Variants in TRHDE observed in about 807,000 individuals in gnomAD.
TRHDE encodes thyrotropin releasing hormone degrading enzyme.
TRHDE carries 72 observed loss-of-function variants against 125.7 expected under a neutral mutation model. That is an observed-to-expected ratio of 0.57 (90% CI 0.47 to 0.70). TRHDE has a LOEUF of 0.70. Ranked by LOEUF, TRHDE falls within the 30% of genes least tolerant of loss-of-function variation. The pLI is 0.00. For missense variants in TRHDE, 1,110 were observed against 1,327.1 expected (o/e 0.84, Z 2.54); for synonymous variants, 509 against 509.1 (o/e 1.00, Z 0.00).
intron 6 of TRHDE, among the ~76,000 whole-genome samples, chr12:72,525,134 T>TAGATGTTTACACAA: frequency 6.6e-6 from 1 of 152,296 alleles, no homozygotes; most frequent in African/African-American, 2.4e-5. Context: ...GAACAAGCTA[T>TAGATGTTTACACAA]AGATGTTTAC....
chr12:72,669,969 GAAC>G lies in TRHDE; in HGVS notation c.*6777_*6779del, dbSNP rs987075030. 5.3e-5 allele frequency: 8 copies of G among 151,746 alleles called. No homozygotes were observed. The highest frequency in any genetic ancestry group is 1.9e-4 in the African/African-American group (8 of 41,490). 9.4% of individuals were successfully genotyped at this position (151,746 alleles called of 1,614,324 possible). ...TGTATTATGCATTGTCTAGTTACTT[GAAC>G]AATAAGAGAAATTCTATCTTTGAGC... is the stretch of plus-strand genomic sequence containing the variant. On this transcript the variant is annotated 3_prime_UTR_variant, in exon 19 of 19. Transcript: ENST00000261180.
chr12:72,316,580 G>A (rs1222893985), intron 2 of TRHDE, among the ~76,000 whole-genome samples: 1 of 152,106 alleles, frequency 6.6e-6, no homozygotes, highest in Non-Finnish European at 1.5e-5. Context: ...GTGCTGTCCT[G>A]CCTTTTACCC....
intron 2 of TRHDE, among the ~76,000 whole-genome samples, chr12:72,314,554 A>G (rs1178673341): frequency 1.3e-5 from 2 of 152,172 alleles, no homozygotes; most frequent in South Asian, 2.1e-4. Context: ...TAAAATTGCT[A>G]CTGTTTCAAA....
chr12:72,471,919 G>C (rs995249207), intron 4 of TRHDE, among the ~76,000 whole-genome samples: 2 of 152,024 alleles, frequency 1.3e-5, no homozygotes, highest in African/African-American at 4.8e-5. Context: ...TGTTCCAGCC[G>C]CACAGGTCTT....
chr12:72,645,008 G>A (rs763747738), intron 15 of TRHDE, among the ~76,000 whole-genome samples: 7 of 152,186 alleles, frequency 4.6e-5, no homozygotes, highest in Non-Finnish European at 8.8e-5. Flanking sequence ...AGGCTATTGG[G>A]TGAGTATCTT....
At chr12:72,227,168 GA>G (rs1194983890) in intron 2 of TRHDE, among the ~76,000 whole-genome samples, 1 of 151,948 alleles carries the variant, frequency 6.6e-6, no homozygotes, top group Non-Finnish European at 1.5e-5. Flanking sequence ...TAGATATTAA[GA>G]AAAAAAGTAT....
intron 2 of TRHDE, among the ~76,000 whole-genome samples, chr12:72,355,829 T>C (rs992689953): frequency 2.6e-5 from 4 of 151,732 alleles, no homozygotes; most frequent in Non-Finnish European, 5.9e-5. Context: ...ATTAGAGAAA[T>C]GCAAATCAAA....
chr12:72,235,807 C>A (rs1268358422), intron 2 of TRHDE, among the ~76,000 whole-genome samples: 2 of 152,134 alleles, frequency 1.3e-5, no homozygotes, highest in Non-Finnish European at 2.9e-5. Context: ...TATTTAAGGC[C>A]TCTCCTCACA....
chr12:72,233,627 G>A (rs377633963), intron 2 of TRHDE, among the ~76,000 whole-genome samples: 5 of 152,112 alleles, frequency 3.3e-5, no homozygotes, highest in African/African-American at 9.7e-5. Context: ...ATTACTTAGC[G>A]TTATTCTAGG....
chr12:72,604,967 C>T (rs896749624), intron 12 of TRHDE, among the ~76,000 whole-genome samples: 1 of 151,938 alleles, frequency 6.6e-6, no homozygotes, highest in African/African-American at 2.4e-5. Flanking sequence ...ACATTATCAC[C>T]ATTAAAGAAA....
At chr12:72,631,066 C>A (rs926026720) in intron 15 of TRHDE, among the ~76,000 whole-genome samples, 1 of 150,220 alleles carries the variant, frequency 6.7e-6, no homozygotes, top group East Asian at 1.9e-4. Context: ...TTATTTTATC[C>A]TATTTAATAG....
intron 2 of TRHDE, among the ~76,000 whole-genome samples, chr12:72,211,394 T>C (rs543060519): frequency 6.6e-6 from 1 of 152,306 alleles, no homozygotes; most frequent in East Asian, 1.9e-4. Flanking sequence ...TGTGCTAATA[T>C]TAGATAAAGT....
At chr12:72,590,767 A>G (rs748539170) in intron 12 of TRHDE, among the ~76,000 whole-genome samples, 2 of 152,126 alleles carry the variant, frequency 1.3e-5, no homozygotes, top group African/African-American at 4.8e-5. Context: ...TTATTCTCAC[A>G]ATCTCTGCCT....
intron 2 of TRHDE, among the ~76,000 whole-genome samples, chr12:72,131,422 T>C (rs1323380362): frequency 1.3e-5 from 2 of 152,228 alleles, no homozygotes; most frequent in Non-Finnish European, 2.9e-5. Context: ...TATTTTCATT[T>C]AATTTTTAAA....
chr12:72,444,384 A>T (rs558151260), intron 3 of TRHDE, among the ~76,000 whole-genome samples: 2 of 151,878 alleles, frequency 1.3e-5, no homozygotes, highest in East Asian at 1.9e-4. Context: ...GTTCTGCTTA[A>T]TTTTTTTAAA....
chr12:72,596,461 T>G (rs1565804196), intron 12 of TRHDE, among the ~76,000 whole-genome samples: 1 of 152,170 alleles, frequency 6.6e-6, no homozygotes, highest in Non-Finnish European at 1.5e-5. Flanking sequence ...TCAAATGCCT[T>G]AGAATTTTGA....
chr12:72,371,551 C>G (rs1279322296), intron 2 of TRHDE, among the ~76,000 whole-genome samples: 2 of 151,528 alleles, frequency 1.3e-5, no homozygotes, highest in African/African-American at 2.4e-5. Context: ...CTCCCCCAAC[C>G]CCACAACAGT....
chr12:72,378,055 A>G lies in TRHDE; in HGVS notation c.1249A>G (p.Ile417Val), dbSNP rs1871974981. ...AGGATCCGGGGACTATGCTCTCCAT[A>G]TAACAAAGAGATTAATAGAATTTTA... ...RRGSGDYALH[I>V]TKRLIEFYED... The change falls in exon 3 of 19, where the codon ATA (isoleucine) becomes GTA (valine). Residue 417 changes from isoleucine to valine, a missense_variant. Ile to Val is a conservative substitution (Grantham distance 29, BLOSUM62 3). This residue lies in a region of TRHDE where 252 missense variants were observed against 274.8 expected (regional missense o/e 0.92). Transcript: ENST00000261180. The G allele has an allele frequency of 2.5e-6, 4 of 1,607,246 alleles. No homozygotes were observed. Among genetic ancestry groups the G allele is most frequent in the East Asian group, 2.2e-5 (1 of 44,710 alleles).
intron 2 of TRHDE, among the ~76,000 whole-genome samples, chr12:72,332,826 T>C (rs1203366280): frequency 6.6e-6 from 1 of 152,168 alleles, no homozygotes; most frequent in Non-Finnish European, 1.5e-5. Context: ...TCGGAGTTTG[T>C]TAGAAATGCA....
Sources: gnomAD v4.1 joint callset for allele counts (sites outside exome capture counted in the v4.1 genomes callset) on GRCh38, gnomAD v4.1.1 for gene constraint, gnomAD v4.1.1 regional missense constraint, MANE v1.5 for transcripts, NCBI Gene and HGNC (gene_info 2026-07-23, HGNC 2026-07-21) for gene names.